KIAA0930: variants seen among roughly 807,000 people sequenced by gnomAD.
KIAA0930 encodes KIAA0930, also known as uncharacterized protein KIAA0930.
Under a neutral mutation model 43.9 loss-of-function variants are expected in KIAA0930, and 24 were observed. That is an observed-to-expected ratio of 0.55 (90% CI 0.40 to 0.77). The LOEUF (loss-of-function observed/expected upper bound fraction) is 0.77. Ranked by LOEUF, KIAA0930 falls within the 30% of genes least tolerant of loss-of-function variation. The probability of loss-of-function intolerance (pLI) is 0.00; values close to 1 mark genes in which losing one functional copy is unlikely to be tolerated. For synonymous variants in KIAA0930, 259 were observed against 216.4 expected, an observed-to-expected ratio of 1.20 and a Z score of -1.73; for missense variants, 461 against 574.2, an observed-to-expected ratio of 0.80 and a Z score of 2.02.
chr22:45,197,857 T>C lies in KIAA0930; in HGVS notation c.1107A>G (p.Ala369=). The C allele has an allele frequency of 1.2e-6, 2 of 1,614,226 alleles. No individual in the cohort carries two copies. The highest frequency in any genetic ancestry group is 4.5e-5 in the East Asian group (2 of 44,884). Residue 369 remains alanine (A), a synonymous_variant, in exon 9 of 10, where the codon GCA becomes GCG. Coordinates refer to ENST00000336156, the MANE Select transcript of KIAA0930 (RefSeq NM_001009880.2). The stretch of plus-strand genomic sequence containing the variant: ...GTGCATAGAGAAGGAAGTTTCCATC[T>C]GCTCTGTTCAGCTTCAGCCAGGACC... ...LVGSWLKLNR[A]DGNFLLYAHL...
chr22:45,203,668 A>G (rs1368771026), intron 6 of KIAA0930, among the ~76,000 whole-genome samples, 177 bp downstream of exon 6: 1 of 152,140 alleles, frequency 6.6e-6, no homozygotes, highest in Non-Finnish European at 1.5e-5. Flanking sequence ...GACCATGAAG[A>G]ATGACGTTAA....
Position 45,205,926 on chromosome 22 carries a change from A to G in KIAA0930, c.217-14T>C, listed in dbSNP as rs2083634085. On this transcript the variant is annotated splice_polypyrimidine_tract_variant and intron_variant, in intron 2 of 9. Transcript: ENST00000336156. The stretch of plus-strand genomic sequence containing the variant: ...AGGCTCAGCTGCCTGCGAGGCCCAG[A>G]GCAGAAGTGAGTGCCCAGGGCCCAC... 1 of 1,611,566 alleles carries G rather than the reference A, an allele frequency of 6.2e-7. No individual in the cohort carries two copies. The highest frequency in any genetic ancestry group is 8.5e-7 in the Non-Finnish European group (1 of 1,179,882).
At position 45,228,748 on chromosome 22, in the gene KIAA0930, C is replaced by CCAAA. The variant is rs764872357; in HGVS notation, c.64+11891_64+11892insTTTG. The stretch of plus-strand genomic sequence containing the variant: ...AAGATCCCTCTCCACCCCCCTACCA[C>CCAAA]CACTCACCCGAAAGATCCCTCCCCA... On this transcript the variant is annotated intron_variant, in intron 1 of 9. Coordinates refer to ENST00000336156, the MANE Select transcript of KIAA0930 (RefSeq NM_001009880.2). Among the ~76,000 whole-genome samples, 144 of 60,396 alleles carry CCAAA rather than the reference C, an allele frequency of 2.4e-3. 4 individuals carry two copies. The highest frequency in any genetic ancestry group is 0.014 in the East Asian group (15 of 1,052). 39.6% of individuals were successfully genotyped at this position (60,396 alleles called of 152,430 possible). A position where few individuals can be genotyped will look rare whatever the true frequency, so the allele number is the denominator to read the frequency against.
intron 1 of KIAA0930, among the ~76,000 whole-genome samples, chr22:45,232,114 C>A (rs1385874521): frequency 2.6e-5 from 4 of 152,184 alleles, no homozygotes; most frequent in Non-Finnish European, 5.9e-5. Context: ...GGCCACCTCA[C>A]CCCAGGTCCA....
intron 1 of KIAA0930, among the ~76,000 whole-genome samples, chr22:45,227,639 C>T (rs1195948185): frequency 6.6e-6 from 1 of 152,152 alleles, no homozygotes; most frequent in Non-Finnish European, 1.5e-5. Context: ...TGGAATGAAA[C>T]GCTGCCAATA....
At chr22:45,240,497 A>C in intron 1 of KIAA0930, 143 bp downstream of exon 1, 1 of 524,688 alleles carries the variant, frequency 1.9e-6, no homozygotes, top group Non-Finnish European at 3.4e-6. Context: ...ATGGAGGAAG[A>C]CAGGGTACCC....
In KIAA0930 at chr22:45,205,435, C is replaced by A. The variant is rs1021062297; in HGVS notation, c.415-117G>T. On this transcript the variant is annotated intron_variant, in intron 4 of 9. Coordinates refer to ENST00000336156, the MANE Select transcript of KIAA0930 (RefSeq NM_001009880.2). ...CCAGAGCCAGTCCAAAGCCAGAGACCTACCAGGAGATGTGGGGGATAAGCT... is the reference window on the plus strand; with the variant it reads ...CCAGAGCCAGTCCAAAGCCAGAGACATACCAGGAGATGTGGGGGATAAGCT... 9 of 966,310 alleles carry A rather than the reference C, an allele frequency of 9.3e-6. No homozygotes were observed. In the African/African-American group the frequency reaches 1.3e-4, roughly 14 times the overall value. 59.9% of individuals were successfully genotyped at this position (966,310 alleles called of 1,614,324 possible).
At position 45,199,857 on chromosome 22, in the gene KIAA0930, C is replaced by T. The variant is rs373662660; in HGVS notation, c.1015+16G>A. The T allele has an allele frequency of 2.3e-5, 35 of 1,542,828 alleles. No individual in the cohort carries two copies. Among genetic ancestry groups the T allele is most frequent in the Non-Finnish European group, 2.9e-5 (33 of 1,139,574 alleles). On this transcript the variant is annotated intron_variant, in intron 8 of 9. Transcript: ENST00000336156. ...TGAAGGGCACGGGGACCCTAGGGCA[C>T]GGAGTGGGGGGTCACCTCCACCGTC...
intron 1 of KIAA0930, among the ~76,000 whole-genome samples, chr22:45,216,810 G>A (rs993541264): frequency 6.6e-6 from 1 of 152,040 alleles, no homozygotes; most frequent in African/African-American, 2.4e-5. Context: ...ATGTGGCCCC[G>A]AAAGCTGAGC....
chr22:45,218,119 T>C (rs1000182330), intron 1 of KIAA0930, among the ~76,000 whole-genome samples: 6 of 152,192 alleles, frequency 3.9e-5, no homozygotes, highest in Non-Finnish European at 8.8e-5. Flanking sequence ...AGGAACGTGA[T>C]GACAGCTCGC....
At chr22:45,239,399 T>C (rs2083904344) in intron 1 of KIAA0930, among the ~76,000 whole-genome samples, 1 of 152,228 alleles carries the variant, frequency 6.6e-6, no homozygotes, top group South Asian at 2.1e-4. Context: ...TGAAACCTTG[T>C]CAACCATTGA....
chr22:45,204,009 G>C, intron 5 of KIAA0930, 24 bp from the exon 6 acceptor site: 1 of 1,613,004 alleles, frequency 6.2e-7, no homozygotes. Context: ...CAAAGAGACA[G>C]GGACGTGACC....
chr22:45,228,800 T>C (rs140353814), intron 1 of KIAA0930, among the ~76,000 whole-genome samples: 265 of 37,688 alleles, frequency 7.0e-3, no homozygotes, highest in Middle Eastern at 0.021. Context: ...AACACTCACC[T>C]GAGAGATCCC....
At chr22:45,238,041 C>G (rs2083897335) in intron 1 of KIAA0930, among the ~76,000 whole-genome samples, 2 of 152,026 alleles carry the variant, frequency 1.3e-5, no homozygotes, top group Admixed American at 6.5e-5. Context: ...TTGTCTCAGC[C>G]TCCTGAGTAG....
intron 1 of KIAA0930, among the ~76,000 whole-genome samples, chr22:45,230,584 T>A (rs2147765011): frequency 7.3e-6 from 1 of 137,526 alleles, no homozygotes; most frequent in African/African-American, 3.4e-5. Context: ...CACATTCTTT[T>A]TTTTTTTTTT....
At chr22:45,210,826 C>CTGCCTGCCCGAGTGG (rs1555898917) in intron 2 of KIAA0930, among the ~76,000 whole-genome samples, 1 of 151,746 alleles carries the variant, frequency 6.6e-6, no homozygotes, top group Admixed American at 6.6e-5. Flanking sequence ...CCTGCACACC[C>CTGCCTGCCCGAGTGG]GCCACTGAAA....
intron 1 of KIAA0930, among the ~76,000 whole-genome samples, chr22:45,213,057 G>A (rs1256763221): frequency 6.6e-6 from 1 of 152,200 alleles, no homozygotes; most frequent in Non-Finnish European, 1.5e-5. Context: ...ACTCGGGCTG[G>A]AAGGCACTAA....
intron 2 of KIAA0930, among the ~76,000 whole-genome samples, chr22:45,208,614 G>C (rs993890170): frequency 5.9e-5 from 9 of 152,200 alleles, no homozygotes; most frequent in African/African-American, 1.2e-4. Context: ...TTGAGCCCTG[G>C]GGTGGGGTGA....
chr22:45,226,686 C>T lies in KIAA0930; in HGVS notation c.64+13954G>A, dbSNP rs192134924. On this transcript the variant is annotated intron_variant, in intron 1 of 9. Coordinates refer to ENST00000336156, the MANE Select transcript of KIAA0930 (RefSeq NM_001009880.2). ...TTATCCAAGATCCTAACTCACTGCTCTGCTCAGACACAGAAAATGGCCTCC... is the reference window on the plus strand; with the variant it reads ...TTATCCAAGATCCTAACTCACTGCTTTGCTCAGACACAGAAAATGGCCTCC... 2.6e-3 allele frequency: 500 copies of T among 192,994 alleles called. 6 individuals carry two copies. Among genetic ancestry groups the T allele is most frequent in the Non-Finnish European group, 7.7e-4 (69 of 89,908 alleles). 12.0% of individuals were successfully genotyped at this position (192,994 alleles called of 1,614,324 possible).
Sources: allele counts gnomAD v4.1 joint callset (sites outside exome capture counted in the v4.1 genomes callset), GRCh38; gene constraint gnomAD v4.1.1; transcripts MANE v1.5; gene names NCBI Gene and HGNC (gene_info 2026-07-23, HGNC 2026-07-21).